The following CSGALNACT1 variants were observed in gnomAD, a reference collection of about 807,000 sequenced individuals.
CSGALNACT1 encodes chondroitin sulfate N-acetylgalactosaminyltransferase 1.
Under a neutral mutation model 51.0 loss-of-function variants are expected in CSGALNACT1, and 52 were observed. The observed-to-expected ratio is 1.02, with a 90% CI of 0.82 to 1.29. The LOEUF (loss-of-function observed/expected upper bound fraction) is 1.29, where lower values mean the gene tolerates loss of function less well. CSGALNACT1 is among the 50% of genes most tolerant of loss of function. The pLI, the probability that CSGALNACT1 is intolerant of heterozygous loss-of-function variation, is 0.00. For missense variants in CSGALNACT1, 935 were observed against 679.2 expected, an observed-to-expected ratio of 1.38 and a Z score of -4.19; for synonymous variants, 341 against 254.4, an observed-to-expected ratio of 1.34 and a Z score of -3.24.
chr8:19,744,512 T>C (rs73592409), intron 1 of CSGALNACT1, among the ~76,000 whole-genome samples: 2,231 of 152,270 alleles, frequency 0.015, 61 homozygotes, highest in African/African-American at 0.05. Flanking sequence ...CAAGAACACG[T>C]AACATGTTGG....
intron 4 of CSGALNACT1, among the ~76,000 whole-genome samples, chr8:19,475,374 G>T (rs2069303847): frequency 6.6e-6 from 1 of 152,182 alleles, no homozygotes; most frequent in Admixed American, 6.5e-5. Flanking sequence ...TTGGATCTTG[G>T]TTTGGTGGTT....
At chr8:19,754,045 C>T (rs28453380) in intron 1 of CSGALNACT1, among the ~76,000 whole-genome samples, 115,399 of 151,448 alleles carry the variant, frequency 0.76, 44,237 homozygotes, top group Middle Eastern at 0.91. Context: ...GCTCCATTTT[C>T]TTTTTTCAGT....
intron 1 of CSGALNACT1, among the ~76,000 whole-genome samples, chr8:19,647,777 G>A (rs779443261): frequency 6.6e-6 from 1 of 152,140 alleles, no homozygotes; most frequent in Non-Finnish European, 1.5e-5. Context: ...TTTGGGACTG[G>A]TTTACTTAGG....
intron 3 of CSGALNACT1, among the ~76,000 whole-genome samples, chr8:19,554,793 C>T (rs2089278587): frequency 6.6e-6 from 1 of 152,070 alleles, no homozygotes; most frequent in Non-Finnish European, 1.5e-5. Flanking sequence ...TGGCACACAC[C>T]TGTAGTCCCA....
In CSGALNACT1 at chr8:19,702,035, A is replaced by T. The variant is rs138411962; in HGVS notation, c.-297+55815T>A. ...TGAGATTCTTACAGGTCTGGCAAAC[A>T]TTTGATTGGCTTCATAAGTGCCTAC... On this transcript the variant is annotated intron_variant, in intron 1 of 1. Coordinates refer to the CSGALNACT1 transcript ENST00000517494. Among the ~76,000 whole-genome samples the T allele has an allele frequency of 3.0e-3, 461 of 152,304 alleles. 7 individuals are homozygous for T. Among genetic ancestry groups the T allele is most frequent in the East Asian group, 0.011 (55 of 5,180 alleles).
At chr8:19,529,098 C>T (rs2082256886) in intron 3 of CSGALNACT1, among the ~76,000 whole-genome samples, 3 of 152,012 alleles carry the variant, frequency 2.0e-5, no homozygotes, top group Admixed American at 6.6e-5. Flanking sequence ...CAGATGCTGC[C>T]GAGAAATCAA....
intron 3 of CSGALNACT1, among the ~76,000 whole-genome samples, chr8:19,531,555 T>G (rs1322335104): frequency 6.6e-6 from 1 of 152,188 alleles, no homozygotes; most frequent in Non-Finnish European, 1.5e-5. Context: ...GCTTACCAAC[T>G]AAGTAACCTT....
intron 4 of CSGALNACT1, among the ~76,000 whole-genome samples, chr8:19,485,456 AC>A (rs1000471129): frequency 1.6e-4 from 25 of 152,084 alleles, no homozygotes; most frequent in African/African-American, 5.8e-4. Flanking sequence ...CCCCAGAGAA[AC>A]CCTGGAAGCT....
At chr8:19,446,918 C>T (rs926448837) in intron 5 of CSGALNACT1, among the ~76,000 whole-genome samples, 1 of 152,142 alleles carries the variant, frequency 6.6e-6, no homozygotes, top group East Asian at 1.9e-4. Flanking sequence ...ACCAGTTCTT[C>T]CCCCACATAT....
intron 1 of CSGALNACT1, among the ~76,000 whole-genome samples, chr8:19,654,347 T>G (rs759788565): frequency 4.6e-5 from 7 of 152,152 alleles, no homozygotes; most frequent in Non-Finnish European, 1.0e-4. Context: ...TGTTTAACCT[T>G]TAATATCTGC....
chr8:19,473,215 C>T (rs558086277), intron 4 of CSGALNACT1, among the ~76,000 whole-genome samples: 3 of 152,256 alleles, frequency 2.0e-5, no homozygotes, highest in East Asian at 3.9e-4. Flanking sequence ...ATGTAATATT[C>T]GGGTCAAGGC....
chr8:19,489,955 A>G (rs1017222689), intron 4 of CSGALNACT1, among the ~76,000 whole-genome samples: 9 of 152,316 alleles, frequency 5.9e-5, no homozygotes, highest in African/African-American at 1.9e-4. Flanking sequence ...TGGTACCAAG[A>G]AAAGCAAAAT....
intron 3 of CSGALNACT1, among the ~76,000 whole-genome samples, chr8:19,552,853 T>G (rs1366962057): frequency 6.6e-6 from 1 of 152,098 alleles, no homozygotes; most frequent in African/African-American, 2.4e-5. Context: ...CCCTCCCAAG[T>G]GAACTGCAAA....
intron 1 of CSGALNACT1, among the ~76,000 whole-genome samples, chr8:19,668,932 T>G (rs1301392615): frequency 6.6e-6 from 1 of 152,236 alleles, no homozygotes; most frequent in East Asian, 1.9e-4. Context: ...AGGAAACCTT[T>G]TGAAATACTG....
chr8:19,531,690 T>A (rs1014747045), intron 3 of CSGALNACT1: 1 of 151,886 alleles, frequency 6.6e-6, no homozygotes, highest in African/African-American at 2.4e-5. Flanking sequence ...CAAGGTGAAA[T>A]TTTTTTATCA....
At chr8:19,506,268 T>C (rs760476785) in intron 3 of CSGALNACT1, 138 bp from the exon 3 acceptor site, 3 of 366,138 alleles carry the variant, frequency 8.2e-6, no homozygotes, top group Admixed American at 3.6e-5. Context: ...TATTGTTAAA[T>C]GTGTATAAAT....
upstream of CSGALNACT1, among the ~76,000 whole-genome samples, chr8:19,687,038 AT>A (rs2061017159): frequency 6.6e-6 from 1 of 152,226 alleles, no homozygotes; most frequent in East Asian, 1.9e-4. Context: ...TGTTTTTCAA[AT>A]GCCCTGTATA....
chr8:19,456,374 C>A (rs1015774865), intron 5 of CSGALNACT1, among the ~76,000 whole-genome samples: 1 of 152,158 alleles, frequency 6.6e-6, no homozygotes, highest in Admixed American at 6.5e-5. Context: ...GACCCTGAAC[C>A]CAGTAAGACA....
chr8:19,712,389 T>C (rs771825214), intron 1 of CSGALNACT1, among the ~76,000 whole-genome samples: 15 of 152,038 alleles, frequency 9.9e-5, no homozygotes, highest in Admixed American at 5.2e-4. Flanking sequence ...ACAGGAACAG[T>C]TGGAGGATGG....
Sources: gnomAD v4.1 joint callset for allele counts (sites outside exome capture counted in the v4.1 genomes callset) on GRCh38, gnomAD v4.1.1 for gene constraint, MANE v1.5 for transcripts, NCBI Gene and HGNC (gene_info 2026-07-23, HGNC 2026-07-21) for gene names.